Variants in TENM2 observed in about 807,000 individuals in gnomAD.
TENM2 encodes the protein teneurin transmembrane protein 2, also known as teneurin-2.
Under a neutral mutation model 245.2 loss-of-function variants are expected in TENM2, and 52 were observed. The ratio of observed to expected loss-of-function variants is 0.21; its 90% CI spans 0.17 to 0.27. The LOEUF (loss-of-function observed/expected upper bound fraction) is 0.27. Ranked by LOEUF, TENM2 falls within the 10% of genes least tolerant of loss-of-function variation. The probability of loss-of-function intolerance (pLI) is 1.00; values close to 1 mark genes in which losing one functional copy is unlikely to be tolerated. For synonymous variants in TENM2, 1,363 were observed against 1,438.9 expected (o/e 0.95, Z 1.19); for missense variants, 3,046 against 3,666.8 (o/e 0.83, Z 4.37).
the TENM2 span, among the ~76,000 whole-genome samples, chr5:167,108,555 T>A: frequency 1.3e-5 from 2 of 152,334 alleles, no homozygotes; most frequent in Middle Eastern, 3.4e-3. Flanking sequence ...ACGGTAACTA[T>A]CCTCATTGTT....
intron 2 of TENM2, among the ~76,000 whole-genome samples, chr5:167,381,787 C>G (rs58116562): frequency 0.017 from 2,531 of 152,206 alleles, 83 homozygotes; most frequent in African/African-American, 0.058. Flanking sequence ...AGCTAGAACT[C>G]AGCAATTTTA....
intron 2 of TENM2, among the ~76,000 whole-genome samples, chr5:167,782,532 A>G (rs1345564129): frequency 2.0e-5 from 3 of 151,970 alleles, no homozygotes; most frequent in South Asian, 2.1e-4. Context: ...CCCTCAGTCA[A>G]GTCATTGAGA....
At chr5:168,131,610 G>A (rs577206794) in intron 12 of TENM2, among the ~76,000 whole-genome samples, 50 of 152,330 alleles carry the variant, frequency 3.3e-4, no homozygotes, top group African/African-American at 1.2e-3. Context: ...AGTCCAAGAG[G>A]GAGAGTGCTT....
intron 3 of TENM2, among the ~76,000 whole-genome samples, chr5:167,930,896 A>G (rs1778227171): frequency 6.6e-6 from 1 of 152,194 alleles, no homozygotes; most frequent in African/African-American, 2.4e-5. Flanking sequence ...CCAATTTCAA[A>G]CACTTATTAA....
intron 2 of TENM2, among the ~76,000 whole-genome samples, chr5:167,549,560 G>A (rs187793957): frequency 2.0e-5 from 3 of 152,032 alleles, no homozygotes; most frequent in African/African-American, 4.8e-5. Flanking sequence ...TCAAAAAGAA[G>A]CAGCCTAAAA....
chr5:167,817,918 T>G lies in TENM2; in HGVS notation c.503-58068T>G, dbSNP rs142122602. On this transcript the variant is annotated intron_variant, in intron 2 of 28. Coordinates refer to ENST00000518659, the Ensembl canonical transcript of TENM2. ...GTCACCTTTGCCCTCCTTCAGGAAA[T>G]GCCAGTTTTGCATTAGATTGGAAGT... is the stretch of plus-strand genomic sequence containing the variant. 9.2e-5 allele frequency among the ~76,000 whole-genome samples: 14 copies of G among 152,256 alleles called. No homozygotes were observed. In the East Asian group the frequency reaches 2.1e-3, roughly 23 times the overall value.
At chr5:168,056,534 G>A (rs10866620) in intron 6 of TENM2, among the ~76,000 whole-genome samples, 53,627 of 152,040 alleles carry the variant, frequency 0.35, 10,340 homozygotes, top group African/African-American at 0.5. Context: ...AGATTATAAT[G>A]GAGCTGAAAA....
intron 12 of TENM2, among the ~76,000 whole-genome samples, chr5:168,150,437 C>T (rs1433527398): frequency 1.3e-5 from 2 of 152,200 alleles, no homozygotes; most frequent in Non-Finnish European, 2.9e-5. Flanking sequence ...ACCACCCCAC[C>T]ACTCAGGCAG....
At chr5:167,462,041 A>C (rs1766325849) in intron 2 of TENM2, among the ~76,000 whole-genome samples, 1 of 152,214 alleles carries the variant, frequency 6.6e-6, no homozygotes, top group Admixed American at 6.5e-5. Flanking sequence ...TTGACAATGA[A>C]GTTTAAGAGC....
chr5:167,344,682 T>G (rs1223575358), intron 1 of TENM2, among the ~76,000 whole-genome samples: 1 of 152,216 alleles, frequency 6.6e-6, no homozygotes, highest in Non-Finnish European at 1.5e-5. Flanking sequence ...AATAACTCAA[T>G]TTCTCATTCC....
At chr5:167,502,306 C>T (rs961664937) in intron 2 of TENM2, among the ~76,000 whole-genome samples, 1 of 152,118 alleles carries the variant, frequency 6.6e-6, no homozygotes, top group African/African-American at 2.4e-5. Flanking sequence ...GGACTATAAG[C>T]AGCCAAATTA....
chr5:167,390,564 G>A (rs957731482), intron 2 of TENM2, among the ~76,000 whole-genome samples: 3 of 152,032 alleles, frequency 2.0e-5, no homozygotes, highest in Non-Finnish European at 4.4e-5. Flanking sequence ...AGTTCTGCAG[G>A]CAAGATAAAT....
At chr5:168,168,146 C>G (rs1411015508) in intron 13 of TENM2, among the ~76,000 whole-genome samples, 1 of 152,122 alleles carries the variant, frequency 6.6e-6, no homozygotes, top group African/African-American at 2.4e-5. Context: ...ATTTATTAGT[C>G]AGACATAGAA....
intron 7 of TENM2, among the ~76,000 whole-genome samples, chr5:168,071,187 A>G (rs1472971837): frequency 2.6e-5 from 4 of 152,202 alleles, no homozygotes; most frequent in African/African-American, 4.8e-5. Context: ...CAGAGGTGAT[A>G]TTATGTGCTC....
chr5:167,667,406 C>T lies in TENM2; in HGVS notation c.503-208580C>T, dbSNP rs1380165. Among the ~76,000 whole-genome samples, 162 of 152,196 alleles carry T rather than the reference C, an allele frequency of 1.1e-3. 1 individual carries two copies. Among genetic ancestry groups the T allele is most frequent in the African/African-American group, 2.8e-3 (116 of 41,534 alleles). ...AGCATCTCTCTTTTTTCATCAGGGA[C>T]TAAAATTATTCTAAGAATCACTCAA... On this transcript the variant is annotated intron_variant, in intron 2 of 28. Coordinates refer to ENST00000518659, the Ensembl canonical transcript of TENM2.
At chr5:168,155,014 G>A (rs534669139) in intron 12 of TENM2, among the ~76,000 whole-genome samples, 3 of 152,332 alleles carry the variant, frequency 2.0e-5, no homozygotes, top group East Asian at 1.9e-4. Flanking sequence ...CAGAGTCCCC[G>A]CACAGCTCCC....
intron 2 of TENM2, among the ~76,000 whole-genome samples, chr5:167,865,134 T>A (rs948871923): frequency 6.6e-6 from 1 of 152,158 alleles, no homozygotes; most frequent in Non-Finnish European, 1.5e-5. Context: ...GACAGACAAC[T>A]CAGTAAGTGA....
chr5:167,926,195 G>T (rs572578949), intron 3 of TENM2, among the ~76,000 whole-genome samples: 9 of 152,106 alleles, frequency 5.9e-5, no homozygotes, highest in Non-Finnish European at 1.3e-4. Flanking sequence ...AAATAGGAAA[G>T]AAAGACCCAC....
chr5:167,571,238 A>G (rs1774247399), intron 2 of TENM2, among the ~76,000 whole-genome samples: 1 of 152,192 alleles, frequency 6.6e-6, no homozygotes, highest in Admixed American at 6.5e-5. Flanking sequence ...CAACCCATGA[A>G]GCAGGTAGCC....
Sources: allele counts gnomAD v4.1 joint callset (sites outside exome capture counted in the v4.1 genomes callset), GRCh38; gene constraint gnomAD v4.1.1; transcripts MANE v1.5; gene names NCBI Gene and HGNC (gene_info 2026-07-23, HGNC 2026-07-21).